The following KCNAB1 variants were observed in gnomAD, a reference collection of about 807,000 sequenced individuals.
KCNAB1 encodes voltage-gated potassium channel subunit beta-1.
Under a neutral mutation model 64.6 loss-of-function variants are expected in KCNAB1, and 35 were observed. That is an observed-to-expected ratio of 0.54 (90% CI 0.41 to 0.72). KCNAB1 has a LOEUF of 0.72. Among genes scored for constraint, KCNAB1 ranks in the 30% least tolerant of loss-of-function variants. The pLI is 0.00. For missense variants in KCNAB1, 401 were observed against 512.9 expected (o/e 0.78, Z 2.11); for synonymous variants, 177 against 183.8 (o/e 0.96, Z 0.30).
At chr3:156,526,901 T>C (rs535257377) in intron 12 of KCNAB1, among the ~76,000 whole-genome samples, 1 of 151,912 alleles carries the variant, frequency 6.6e-6, no homozygotes, top group South Asian at 2.1e-4. Context: ...ATAGCAGGAA[T>C]TGGGACATAT....
chr3:156,455,977 A>G (rs1011132607), intron 3 of KCNAB1: 3 of 152,326 alleles, frequency 2.0e-5, no homozygotes, highest in Non-Finnish European at 4.4e-5. Flanking sequence ...GGCCCCCGCT[A>G]GAGGGAGGTG....
At chr3:156,464,813 A>T (rs915846056) in intron 6 of KCNAB1, among the ~76,000 whole-genome samples, 4 of 152,174 alleles carry the variant, frequency 2.6e-5, no homozygotes, top group Non-Finnish European at 5.9e-5. Flanking sequence ...CCGAGCTTTG[A>T]TTCACAGTGC....
At position 156,318,602 on chromosome 3, in the gene KCNAB1, G is replaced by A. The variant is rs994658557; in HGVS notation, c.276-103014G>A. Among the ~76,000 whole-genome samples the A allele has an allele frequency of 9.2e-5, 14 of 152,148 alleles. No individual in the cohort carries two copies. In the East Asian group the frequency reaches 2.3e-3, roughly 25 times the overall value. ...GTGTGACCCTGGTGCCTATAAGAGC[G>A]TATGGCACACAGTAAGCTCTCAAAA... On this transcript the variant is annotated intron_variant, in intron 1 of 13. Transcript: ENST00000490337.
At chr3:156,130,900 AT>A (rs1713956227) in intron 1 of KCNAB1, among the ~76,000 whole-genome samples, 1 of 152,222 alleles carries the variant, frequency 6.6e-6, no homozygotes. Context: ...TGAACTATGG[AT>A]TTTTATGTTT....
intron 11 of KCNAB1, among the ~76,000 whole-genome samples, chr3:156,519,891 T>C: frequency 6.6e-6 from 1 of 152,206 alleles, no homozygotes; most frequent in African/African-American, 2.4e-5. Context: ...TGCCACCCTG[T>C]GAGACCAATG....
intron 5 of KCNAB1, among the ~76,000 whole-genome samples, chr3:156,461,476 C>G (rs1050316860): frequency 4.6e-5 from 7 of 152,202 alleles, no homozygotes; most frequent in African/African-American, 1.7e-4. Flanking sequence ...TACCTATTAA[C>G]TAATTATATC....
At chr3:156,398,418 C>T (rs538734273) in intron 1 of KCNAB1, among the ~76,000 whole-genome samples, 9 of 152,170 alleles carry the variant, frequency 5.9e-5, no homozygotes, top group South Asian at 4.1e-4. Context: ...TGGCGAAACC[C>T]GGTCTCTACT....
At chr3:156,385,657 A>G (rs1712530768) in intron 1 of KCNAB1, among the ~76,000 whole-genome samples, 1 of 152,174 alleles carries the variant, frequency 6.6e-6, no homozygotes, top group South Asian at 2.1e-4. Context: ...TAAAACCAGA[A>G]AAGGAAGTTT....
chr3:156,454,138 G>A (rs1712212586), intron 3 of KCNAB1, among the ~76,000 whole-genome samples: 1 of 152,198 alleles, frequency 6.6e-6, no homozygotes, highest in African/African-American at 2.4e-5. Context: ...ACCTTATAAG[G>A]CTTGTCTCAT....
intron 1 of KCNAB1, among the ~76,000 whole-genome samples, chr3:156,235,699 G>A (rs1398285013): frequency 6.6e-6 from 1 of 152,180 alleles, no homozygotes; most frequent in African/African-American, 2.4e-5. Flanking sequence ...TTCCTGTGAG[G>A]TGCAGATTAC....
chr3:156,517,421 T>C (rs1717632306), intron 11 of KCNAB1, among the ~76,000 whole-genome samples: 1 of 152,240 alleles, frequency 6.6e-6, no homozygotes, highest in Admixed American at 6.5e-5. Context: ...TCTAGTTTTG[T>C]ATTATTACAA....
At chr3:156,457,310 C>G (rs910795760) in intron 3 of KCNAB1, 143 bp from the exon 4 acceptor site, 6 of 1,430,954 alleles carry the variant, frequency 4.2e-6, no homozygotes, top group Non-Finnish European at 5.5e-6. Context: ...AGACTTCTTT[C>G]TTTCCCTCTC....
chr3:156,515,170 T>A lies in KCNAB1; in HGVS notation c.815T>A (p.Phe272Tyr). Residue 272 changes from phenylalanine to tyrosine, a missense_variant, in exon 10 of 14, where the codon TTC becomes TAC. Coordinates refer to ENST00000490337, the MANE Select transcript of KCNAB1 (RefSeq NM_172160.3). ...PVCEQAEYHL[F>Y]QREKVEVQLP... is the part of the protein sequence containing the mutation. ...TGTGAACAAGCTGAGTACCATCTTT[T>A]CCAGAGAGAGAAAGTGGAGGTCCAG... The A allele has an allele frequency of 6.2e-7, 1 of 1,613,422 alleles. No homozygotes were observed. Among genetic ancestry groups the A allele is most frequent in the Non-Finnish European group, 8.5e-7 (1 of 1,179,570 alleles).
intron 13 of KCNAB1, among the ~76,000 whole-genome samples, chr3:156,533,393 G>A (rs1271320903): frequency 1.3e-5 from 2 of 152,160 alleles, no homozygotes; most frequent in East Asian, 3.9e-4. Flanking sequence ...GAAAGGCCCT[G>A]AGATGGGAAA....
chr3:156,188,661 G>T (rs1199393840), intron 1 of KCNAB1, among the ~76,000 whole-genome samples: 1 of 152,124 alleles, frequency 6.6e-6, no homozygotes, highest in Non-Finnish European at 1.5e-5. Context: ...AATTTATATT[G>T]TGGGACAGTA....
intron 8 of KCNAB1, among the ~76,000 whole-genome samples, chr3:156,489,276 C>T (rs79385446): frequency 0.011 from 1,675 of 152,060 alleles, 40 homozygotes; most frequent in African/African-American, 0.038. Context: ...CTGGGACTCT[C>T]CAGTGTTAGG....
intron 1 of KCNAB1, among the ~76,000 whole-genome samples, chr3:156,410,160 T>A (rs1347035950): frequency 6.6e-6 from 1 of 152,230 alleles, no homozygotes; most frequent in African/African-American, 2.4e-5. Flanking sequence ...TTCTTCTGCT[T>A]TTATTTAATT....
chr3:156,236,777 G>A (rs1269915933), intron 1 of KCNAB1, among the ~76,000 whole-genome samples: 3 of 152,028 alleles, frequency 2.0e-5, no homozygotes, highest in African/African-American at 7.2e-5. Context: ...ATGGTGTCTG[G>A]TTGCTGGCAG....
intron 1 of KCNAB1, among the ~76,000 whole-genome samples, chr3:156,180,104 G>T (rs567052754): frequency 7.9e-5 from 12 of 152,300 alleles, no homozygotes; most frequent in Admixed American, 5.2e-4. Context: ...GATTAAATAA[G>T]TTGTCAGAGG....
Sources: gnomAD v4.1 joint callset for allele counts (sites outside exome capture counted in the v4.1 genomes callset) on GRCh38, gnomAD v4.1.1 for gene constraint, MANE v1.5 for transcripts, NCBI Gene and HGNC (gene_info 2026-07-23, HGNC 2026-07-21) for gene names.